Variants in MRE11 observed in about 807,000 individuals in gnomAD.
The protein encoded by MRE11 is double-strand break repair protein MRE11.
A neutral mutation model predicts 91.7 loss-of-function variants in MRE11; 62 were observed. The ratio of observed to expected loss-of-function variants is 0.68; its 90% CI spans 0.55 to 0.84. The LOEUF is 0.84. MRE11 is among the 40% of genes least tolerant of loss of function. The pLI, the probability that MRE11 is intolerant of heterozygous loss-of-function variation, is 0.00. For synonymous variants in MRE11, 273 were observed against 271.4 expected, an observed-to-expected ratio of 1.01 and a Z score of -0.06; for missense variants, 796 against 852.9, an observed-to-expected ratio of 0.93 and a Z score of 0.83.
intron 7 of MRE11, among the ~76,000 whole-genome samples, chr11:94,473,878 T>C (rs373796086): frequency 7.9e-5 from 12 of 152,034 alleles, no homozygotes; most frequent in African/African-American, 2.9e-4. Context: ...TAAGTAAACA[T>C]ATATATTTAT....
chr11:94,492,104 A>G (rs1381688010), intron 2 of MRE11, among the ~76,000 whole-genome samples: 1 of 152,148 alleles, frequency 6.6e-6, no homozygotes, highest in Non-Finnish European at 1.5e-5. Context: ...AAACTAGGGT[A>G]AAAGACTCCA....
chr11:94,462,585 T>G (rs934922592), intron 11 of MRE11, among the ~76,000 whole-genome samples: 1 of 152,032 alleles, frequency 6.6e-6, no homozygotes, highest in Non-Finnish European at 1.5e-5. Context: ...ATAAGAGATA[T>G]AGACCAACGG....
chr11:94,491,192 G>A (rs1183450164), intron 2 of MRE11, among the ~76,000 whole-genome samples: 4 of 151,974 alleles, frequency 2.6e-5, no homozygotes, highest in East Asian at 1.9e-4. Context: ...ATCTTTACAA[G>A]GTTCTATAAC....
In MRE11 at chr11:94,476,377, G is replaced by C; in HGVS notation, c.571C>G (p.Arg191Gly). Reference protein sequence around the residue: ...LGSIPDERLYRMFVNKKVTML... With the variant: ...LGSIPDERLYGMFVNKKVTML... ...GTTACTTTTTTATTGACAAACATTC[G>C]ATAGAGCCTTTCATCTGGAATGGAT... is the stretch of plus-strand genomic sequence containing the variant. The change falls in exon 7 of 20, where the codon CGA (arginine) becomes GGA (glycine). Residue 191 changes from arginine to glycine, a missense_variant. Arg to Gly is a moderately radical substitution (Grantham distance 125). Coordinates refer to ENST00000323929, the MANE Select transcript of MRE11 (RefSeq NM_005591.4). 6.2e-7 allele frequency: 1 copy of C among 1,611,548 alleles called. No individual in the cohort carries two copies. Among genetic ancestry groups the C allele is most frequent in the Non-Finnish European group, 8.5e-7 (1 of 1,178,082 alleles).
upstream of MRE11, among the ~76,000 whole-genome samples, chr11:94,494,779 TGAAAG>T (rs1947386509): frequency 6.6e-6 from 1 of 152,180 alleles, no homozygotes; most frequent in African/African-American, 2.4e-5. Flanking sequence ...GAGTTTTTAT[TGAAAG>T]GAAAAGCATG....
At chr11:94,454,655 T>C (rs971697557) in intron 14 of MRE11, among the ~76,000 whole-genome samples, 1 of 152,212 alleles carries the variant, frequency 6.6e-6, no homozygotes. Context: ...TCTGAACTTG[T>C]AAGTTATTTC....
chr11:94,430,538 T>C (rs887164326), intron 18 of MRE11, among the ~76,000 whole-genome samples: 5 of 151,576 alleles, frequency 3.3e-5, no homozygotes, highest in African/African-American at 1.2e-4. Context: ...TGGAATGCAG[T>C]AGCACCATCT....
Position 94,468,783 on chromosome 11 carries a change from T to C in MRE11, c.1018-890A>G, listed in dbSNP as rs550964456. Among the ~76,000 whole-genome samples the C allele has an allele frequency of 1.1e-3, 172 of 151,804 alleles. 2 individuals carry two copies. Among genetic ancestry groups the C allele is most frequent in the Middle Eastern group, 0.01 (3 of 294 alleles). ...GGATATAGAGTACTTGAAATGTGGC[T>C]AGTACAAGTGAGAAACTGAATTTTA... On this transcript the variant is annotated intron_variant, in intron 9 of 19. Coordinates refer to ENST00000323929, the MANE Select transcript of MRE11 (RefSeq NM_005591.4).
At chr11:94,444,553 T>C (rs1234055980) in intron 16 of MRE11, among the ~76,000 whole-genome samples, 5 of 152,210 alleles carry the variant, frequency 3.3e-5, no homozygotes, top group African/African-American at 9.6e-5. Flanking sequence ...TTCTCTCCCT[T>C]GGACACCTCT....
At chr11:94,451,891 T>C (rs1946115836) in intron 14 of MRE11, among the ~76,000 whole-genome samples, 1 of 152,024 alleles carries the variant, frequency 6.6e-6, no homozygotes, top group Admixed American at 6.6e-5. Context: ...AAGTGAGTGC[T>C]CTTACAAATC....
In MRE11 at chr11:94,447,306, T is replaced by C. The variant is rs1283766469; in HGVS notation, c.1696A>G (p.Thr566Ala). The change falls in exon 15 of 20, where the codon ACC (threonine) becomes GCC (alanine). Residue 566 changes from threonine (T) to alanine (A), a missense_variant. By Grantham distance (58) the Thr-to-Ala change is moderately conservative. Transcript: ENST00000323929. ...NDSDDSISAA[T>A]NKGRGRGRGR... ...CTTCCTCGGCCTCTTCCTTTGTTGG[T>C]TGCTGCTGAGATGCTATCATCAGAG... The C allele has an allele frequency of 6.2e-7, 1 of 1,614,002 alleles. No homozygotes were observed. Among genetic ancestry groups the C allele is most frequent in the African/African-American group, 1.3e-5 (1 of 74,916 alleles).
At chr11:94,429,792 G>T in intron 19 of MRE11, 119 bp downstream of exon 19, 1 of 860,572 alleles carries the variant, frequency 1.2e-6, no homozygotes, top group Non-Finnish European at 1.8e-6. Flanking sequence ...TGTACTCCCT[G>T]AACATAAAAG....
intron 19 of MRE11, among the ~76,000 whole-genome samples, chr11:94,422,028 GT>G (rs1239227948): frequency 6.6e-6 from 1 of 152,176 alleles, no homozygotes; most frequent in African/African-American, 2.4e-5. Context: ...ATAATGGTTA[GT>G]TTTATGTTAT....
intron 10 of MRE11, among the ~76,000 whole-genome samples, chr11:94,464,683 G>C (rs1946516023): frequency 6.6e-6 from 1 of 152,142 alleles, no homozygotes; most frequent in African/African-American, 2.4e-5. Context: ...ATGAATGCTA[G>C]GAACATCCAG....
chr11:94,469,237 T>C (rs926176259), intron 9 of MRE11, among the ~76,000 whole-genome samples: 2 of 152,094 alleles, frequency 1.3e-5, no homozygotes, highest in Non-Finnish European at 2.9e-5. Context: ...AGAGGTGACT[T>C]TGCTTCTCTA....
At position 94,493,476 on chromosome 11, in the gene MRE11, C is replaced by A. The variant is rs1009456; in HGVS notation, c.-106+315G>T. Among the ~76,000 whole-genome samples the A allele has an allele frequency of 0.032, 4,824 of 152,178 alleles. 175 individuals are homozygous for A. Among genetic ancestry groups the A allele is most frequent in the African/African-American group, 0.084 (3,480 of 41,484 alleles). ...GGGAAGAGTGGCTGCCACCGCGAGA[C>A]AACCCCCACCACATCTGGAGCTCCA... On this transcript the variant is annotated intron_variant, in intron 1 of 19. Coordinates refer to ENST00000323929, the MANE Select transcript of MRE11 (RefSeq NM_005591.4).
intron 4 of MRE11, 100 bp downstream of exon 4, chr11:94,485,824 A>C: frequency 9.1e-7 from 1 of 1,101,620 alleles, no homozygotes; most frequent in East Asian, 2.5e-5. Context: ...TACTAAGAAA[A>C]TAGCTTATAT....
chr11:94,458,738 A>C (rs1319670706), intron 13 of MRE11, among the ~76,000 whole-genome samples: 1 of 152,150 alleles, frequency 6.6e-6, no homozygotes, highest in Non-Finnish European at 1.5e-5. Flanking sequence ...TTGACAAACA[A>C]AAGATGTATT....
intron 19 of MRE11, among the ~76,000 whole-genome samples, chr11:94,428,696 T>C (rs1434434562): frequency 6.6e-6 from 1 of 152,058 alleles, no homozygotes; most frequent in African/African-American, 2.4e-5. Context: ...ACCCTGTCTG[T>C]ACTAAAGATT....
Sources: gnomAD v4.1 joint callset for allele counts (sites outside exome capture counted in the v4.1 genomes callset) on GRCh38, gnomAD v4.1.1 for gene constraint, MANE v1.5 for transcripts, NCBI Gene and HGNC (gene_info 2026-07-23, HGNC 2026-07-21) for gene names.